The following RORB variants were observed in gnomAD, a reference collection of about 807,000 sequenced individuals.
RORB encodes nuclear receptor ROR-beta.
In RORB, 6 loss-of-function variants were observed where a neutral mutation model predicts 59.1. That is an observed-to-expected ratio of 0.10 (90% CI 0.06 to 0.20). The LOEUF (loss-of-function observed/expected upper bound fraction) is 0.20, where lower values mean the gene tolerates loss of function less well. Ranked by LOEUF, RORB falls within the 10% of genes least tolerant of loss-of-function variation. RORB has a pLI of 1.00. For synonymous variants in RORB, 215 were observed against 204.5 expected, an observed-to-expected ratio of 1.05 and a Z score of -0.44; for missense variants, 320 against 560.5, an observed-to-expected ratio of 0.57 and a Z score of 4.33.
chr9:74,547,331 G>A (rs1331747726), intron 1 of RORB, among the ~76,000 whole-genome samples: 1 of 152,004 alleles, frequency 6.6e-6, no homozygotes, highest in East Asian at 1.9e-4. Context: ...GAAGAAGGAT[G>A]GGTAAAGCCT....
chr9:74,515,963 G>A (rs915492338), intron 1 of RORB, among the ~76,000 whole-genome samples: 9 of 151,990 alleles, frequency 5.9e-5, no homozygotes, highest in Non-Finnish European at 7.4e-5. Flanking sequence ...GTGCACCACC[G>A]CAAATGAAAG....
At chr9:74,662,401 G>C in intron 5 of RORB, 73 bp from the exon 6 acceptor site, 1 of 1,501,500 alleles carries the variant, frequency 6.7e-7, no homozygotes, top group Non-Finnish European at 9.2e-7. Flanking sequence ...CACCAGTAAG[G>C]CAAACCTGAG....
intron 1 of RORB, among the ~76,000 whole-genome samples, chr9:74,499,409 AG>A (rs1825773734): frequency 6.6e-6 from 1 of 152,094 alleles, no homozygotes; most frequent in South Asian, 2.1e-4. Context: ...CCTGGACTCA[AG>A]GGTTTGCTGG....
chr9:74,589,621 T>C (rs1464053342), intron 1 of RORB, among the ~76,000 whole-genome samples: 2 of 152,230 alleles, frequency 1.3e-5, no homozygotes, highest in African/African-American at 4.8e-5. Flanking sequence ...TAGTTTTCTT[T>C]TTCACACTTA....
At chr9:74,516,183 G>A (rs904835439) in intron 1 of RORB, among the ~76,000 whole-genome samples, 2 of 151,974 alleles carry the variant, frequency 1.3e-5, no homozygotes, top group South Asian at 2.1e-4. Flanking sequence ...TACCATCATC[G>A]TAGGCTCATT....
intron 1 of RORB, among the ~76,000 whole-genome samples, chr9:74,520,159 T>A (rs893908798): frequency 5.3e-5 from 8 of 151,456 alleles, no homozygotes; most frequent in African/African-American, 1.9e-4. Flanking sequence ...AAAAAAAAAA[T>A]CAGCGGCTTA....
chr9:74,679,755 G>A lies in RORB; in HGVS notation c.1225-5708G>A, dbSNP rs576160871. ...TCCAAGAGTTGTCCATCAGATTAAT[G>A]GTCTGTAAATTAGAAGAAAGGTTTT... On this transcript the variant is annotated intron_variant, in intron 9 of 9. Transcript: ENST00000376896. Among the ~76,000 whole-genome samples, 27 of 152,146 alleles carry A rather than the reference G, an allele frequency of 1.8e-4. 1 individual carries two copies. The South Asian group carries it at 4.8e-3, about 27-fold the overall frequency.
intron 1 of RORB, among the ~76,000 whole-genome samples, chr9:74,589,470 C>T (rs1459084130): frequency 6.6e-6 from 1 of 152,134 alleles, no homozygotes; most frequent in Non-Finnish European, 1.5e-5. Context: ...CTGGCTTCAA[C>T]CTATGAGACA....
chr9:74,657,447 A>C (rs1389010562), intron 4 of RORB, among the ~76,000 whole-genome samples: 1 of 152,168 alleles, frequency 6.6e-6, no homozygotes, highest in East Asian at 1.9e-4. Context: ...TAAAGATATA[A>C]GATGTAATGT....
chr9:74,592,765 A>G (rs1397580949), intron 1 of RORB, among the ~76,000 whole-genome samples: 2 of 152,186 alleles, frequency 1.3e-5, no homozygotes, highest in East Asian at 3.9e-4. Context: ...AAAACAGTCC[A>G]TAGAAATGGC....
At chr9:74,681,302 C>T (rs1824543803) in intron 9 of RORB, among the ~76,000 whole-genome samples, 1 of 152,118 alleles carries the variant, frequency 6.6e-6, no homozygotes, top group Non-Finnish European at 1.5e-5. Context: ...TAAGTGATTG[C>T]CTGCTGCTCT....
intron 1 of RORB, among the ~76,000 whole-genome samples, chr9:74,599,031 C>T (rs1485925306): frequency 2.0e-5 from 3 of 152,194 alleles, no homozygotes; most frequent in Admixed American, 6.5e-5. Context: ...AGCACCAAGA[C>T]ATGCATGAGG....
At chr9:74,578,254 T>C (rs919738007) in intron 1 of RORB, among the ~76,000 whole-genome samples, 18 of 152,076 alleles carry the variant, frequency 1.2e-4, no homozygotes, top group African/African-American at 4.1e-4. Context: ...GATCATATGA[T>C]AAAAACAGGG....
intron 1 of RORB, among the ~76,000 whole-genome samples, chr9:74,536,070 T>A (rs1317479731): frequency 6.6e-6 from 1 of 152,084 alleles, no homozygotes; most frequent in East Asian, 1.9e-4. Flanking sequence ...ATATAACGTA[T>A]TTCTCTGCTT....
At chr9:74,531,398 C>A (rs1183074364) in intron 1 of RORB, among the ~76,000 whole-genome samples, 1 of 151,924 alleles carries the variant, frequency 6.6e-6, no homozygotes, top group Non-Finnish European at 1.5e-5. Flanking sequence ...TTTCAGTTTT[C>A]TATGTATTAT....
At chr9:74,531,790 G>A (rs1335589354) in intron 1 of RORB, among the ~76,000 whole-genome samples, 1 of 151,888 alleles carries the variant, frequency 6.6e-6, no homozygotes, top group East Asian at 1.9e-4. Context: ...AGTAAATTTT[G>A]AGTGTAAACA....
At chr9:74,605,357 A>G (rs1435179824) in intron 1 of RORB, among the ~76,000 whole-genome samples, 1 of 152,202 alleles carries the variant, frequency 6.6e-6, no homozygotes, top group Non-Finnish European at 1.5e-5. Flanking sequence ...AACTCATGGT[A>G]TTGTTGGTCA....
intron 9 of RORB, among the ~76,000 whole-genome samples, chr9:74,684,657 T>C (rs72614690): frequency 6.6e-6 from 1 of 152,132 alleles, no homozygotes; most frequent in Admixed American, 6.5e-5. Flanking sequence ...GATACATATA[T>C]CAAAACCTAA....
intron 3 of RORB, 101 bp downstream of exon 3, chr9:74,634,873 G>A: frequency 8.9e-7 from 1 of 1,120,056 alleles, no homozygotes; most frequent in African/African-American, 1.6e-5. Flanking sequence ...AGGGAATTGG[G>A]GATAAGAAGA....
Sources: allele counts gnomAD v4.1 joint callset (sites outside exome capture counted in the v4.1 genomes callset), GRCh38; gene constraint gnomAD v4.1.1; transcripts MANE v1.5; gene names NCBI Gene and HGNC (gene_info 2026-07-23, HGNC 2026-07-21).